The following BCAP29 variants were observed in gnomAD, a reference collection of about 807,000 sequenced individuals.
BCAP29 encodes B-cell receptor-associated protein 29.
A neutral mutation model predicts 31.8 loss-of-function variants in BCAP29; 34 were observed. The ratio of observed to expected loss-of-function variants is 1.07; its 90% CI spans 0.81 to 1.42. BCAP29 has a LOEUF of 1.42. BCAP29 is among the 40% of genes most tolerant of loss of function. The pLI is 0.00. For missense variants in BCAP29, 314 were observed against 269.2 expected (o/e 1.17, Z -1.16); for synonymous variants, 104 against 91.3 (o/e 1.14, Z -0.79).
At chr7:107,595,761 G>A in intron 4 of BCAP29, 106 bp from the exon 5 acceptor site, 1 of 1,221,856 alleles carries the variant, frequency 8.2e-7, no homozygotes, top group Non-Finnish European at 1.1e-6. Context: ...AACATTATCT[G>A]CCACCACCAC....
chr7:107,600,352 A>G (rs770145780), intron 5 of BCAP29, 45 bp from the exon 6 acceptor site: 24 of 1,102,206 alleles, frequency 2.2e-5, no homozygotes, highest in Middle Eastern at 2.0e-4. Context: ...ATGTCTGGCT[A>G]TTGCAATCTA....
chr7:107,623,032 TTC>T (rs1815102084), downstream of BCAP29: 1 of 152,176 alleles, frequency 6.6e-6, no homozygotes, highest in Non-Finnish European at 1.5e-5. Flanking sequence ...TGGGGCCAGT[TTC>T]TTTTTTTTCT....
In BCAP29 at chr7:107,618,257, A is replaced by G; in HGVS notation, c.691-71A>G. ...TACATAGAAGAGAGAATGTTTTTTA[A>G]AAGTCCTTGTCATGTCTATGAATCT... On this transcript the variant is annotated intron_variant, in intron 7 of 7. Transcript: ENST00000005259. The G allele has an allele frequency of 3.5e-6, 4 of 1,144,380 alleles. No homozygotes were observed. The South Asian group carries it at 7.5e-5, about 22-fold the overall frequency. 70.9% of individuals were successfully genotyped at this position (1,144,380 alleles called of 1,614,324 possible).
intron 7 of BCAP29, chr7:107,615,458 T>C (rs2129292355): frequency 2.7e-6 from 1 of 370,694 alleles, no homozygotes; most frequent in Non-Finnish European, 5.4e-6. Context: ...TAGCCGGGCA[T>C]GGTGGCAAGT....
chr7:107,580,739 A>G lies in BCAP29; in HGVS notation c.-14-20A>G. 1 of 1,526,540 alleles carries G rather than the reference A, an allele frequency of 6.6e-7. No homozygotes were observed. Among genetic ancestry groups the G allele is most frequent in the South Asian group, 1.2e-5 (1 of 85,520 alleles). The allele number at this position is 1,526,540 out of a possible 1,614,324, so 94.6% of individuals were successfully genotyped here. Reference sequence around the variant, plus strand: ...TTTGTTTGAAAGGAAGCAAGAGAAAATAAGTGTTTTTCCATTTAGGTGTGA... The same window carrying G: ...TTTGTTTGAAAGGAAGCAAGAGAAAGTAAGTGTTTTTCCATTTAGGTGTGA... On this transcript the variant is annotated intron_variant, in intron 1 of 7. Transcript: ENST00000005259.
At chr7:107,600,977 A>G (rs1199633953) in intron 6 of BCAP29, among the ~76,000 whole-genome samples, 1 of 152,220 alleles carries the variant, frequency 6.6e-6, no homozygotes, top group Non-Finnish European at 1.5e-5. Context: ...GTAGGCAACA[A>G]TATCTGGGAT....
chr7:107,622,328 C>G (rs1050168331), downstream of BCAP29: 1 of 159,224 alleles, frequency 6.3e-6, no homozygotes, highest in African/African-American at 2.4e-5. Flanking sequence ...CAGTTAAGAT[C>G]AAACCACCAA....
intron 3 of BCAP29, among the ~76,000 whole-genome samples, chr7:107,585,361 C>T (rs1474975127): frequency 1.3e-5 from 2 of 152,130 alleles, no homozygotes; most frequent in Non-Finnish European, 2.9e-5. Flanking sequence ...TGATTTGTGC[C>T]TCTTTTCAAG....
intron 7 of BCAP29, chr7:107,615,453 G>T: frequency 2.7e-6 from 1 of 372,804 alleles, no homozygotes; most frequent in Non-Finnish European, 5.4e-6. Flanking sequence ...AAAATTAGCC[G>T]GGCATGGTGG....
intron 5 of BCAP29, among the ~76,000 whole-genome samples, chr7:107,596,397 C>T (rs980492850): frequency 5.3e-5 from 8 of 152,020 alleles, no homozygotes; most frequent in African/African-American, 1.7e-4. Context: ...CCTAGATTTT[C>T]GTTTTCTTTT....
chr7:107,620,077 A>T lies in BCAP29; in HGVS notation c.*1714A>T, dbSNP rs1288586606. ...TGGTTGCACTTTGAAGAGCTTGAAGATTTGAAAGATTCCCAAAAAAGCATT... is the reference window on the plus strand; with the variant it reads ...TGGTTGCACTTTGAAGAGCTTGAAGTTTTGAAAGATTCCCAAAAAAGCATT... On this transcript the variant is annotated 3_prime_UTR_variant, in exon 8 of 8. Coordinates refer to ENST00000005259, the MANE Select transcript of BCAP29 (RefSeq NM_018844.4). The T allele has an allele frequency of 1.3e-5, 2 of 152,222 alleles. No homozygotes were observed. The highest frequency in any genetic ancestry group is 4.8e-5 in the African/African-American group (2 of 41,454). The allele number at this position is 152,222 out of a possible 1,614,324, so 9.4% of individuals were successfully genotyped here. A position where few individuals can be genotyped will look rare whatever the true frequency, so the allele number is the denominator to read the frequency against.
At position 107,618,695 on chromosome 7, in the gene BCAP29, T is replaced by C; in HGVS notation, c.*332T>C. The C allele has an allele frequency of 9.9e-7, 1 of 1,014,690 alleles. No individual in the cohort carries two copies. Among genetic ancestry groups the C allele is most frequent in the East Asian group, 2.5e-5 (1 of 39,700 alleles). The allele number at this position is 1,014,690 out of a possible 1,614,324, so 62.9% of individuals were successfully genotyped here. ...CCAAAATTAGAAGTTTTAAGTTGCA[T>C]GAAACCATTAATAGCCTTGAAAGCT... On this transcript the variant is annotated 3_prime_UTR_variant, in exon 8 of 8. Transcript: ENST00000005259.
chr7:107,613,025 AT>A (rs2129288846), intron 6 of BCAP29, among the ~76,000 whole-genome samples: 1 of 152,324 alleles, frequency 6.6e-6, no homozygotes, highest in South Asian at 2.1e-4. Context: ...AAAGTATTGT[AT>A]TCATATTAAG....
intron 7 of BCAP29, chr7:107,615,253 A>G (rs1562800055): frequency 2.2e-6 from 1 of 456,726 alleles, no homozygotes; most frequent in Non-Finnish European, 4.4e-6. Flanking sequence ...CAGAAAAGCC[A>G]CAGTCAGCCT....
At position 107,618,654 on chromosome 7, in the gene BCAP29, C is replaced by T. The variant is rs759362804; in HGVS notation, c.*291C>T. 3 of 1,383,828 alleles carry T rather than the reference C, an allele frequency of 2.2e-6. No homozygotes were observed. Among genetic ancestry groups the T allele is most frequent in the East Asian group, 4.6e-5 (2 of 43,120 alleles). The allele number at this position is 1,383,828 out of a possible 1,614,324, so 85.7% of individuals were successfully genotyped here. On this transcript the variant is annotated 3_prime_UTR_variant, in exon 8 of 8. Coordinates refer to ENST00000005259, the MANE Select transcript of BCAP29 (RefSeq NM_018844.4). ...TGTTTACCAATAAAAGGAAAAAATT[C>T]ATTAACCGGTTGCTTCCAAAATTAG...
At chr7:107,590,845 G>GAAA (rs1161076666) in intron 3 of BCAP29, among the ~76,000 whole-genome samples, 1 of 149,982 alleles carries the variant, frequency 6.7e-6, no homozygotes, top group Non-Finnish European at 1.5e-5. Flanking sequence ...AAGAAAGAAA[G>GAAA]AAAGAAAGAA....
chr7:107,587,865 A>G (rs1025298416), intron 3 of BCAP29: 12 of 152,140 alleles, frequency 7.9e-5, no homozygotes, highest in Admixed American at 5.2e-4. Flanking sequence ...AAGAAACCCT[A>G]CTGCTTTCAG....
rs1291042107 is a variant in BCAP29 at position 107,595,885 on chromosome 7, T to A, written c.363T>A (p.Val121=). ...LFFWLVLRRL[V]TLITQLAKEL... ...TTCTTAGAGTTTTGAGACGTCTGGT[T>A]ACGCTTATTACTCAACTGGCAAAAG... The change falls in exon 5 of 8, where the codon GTT becomes GTA. Residue 121 remains valine (V), a synonymous_variant. Transcript: ENST00000005259. 1.2e-6 allele frequency: 2 copies of A among 1,601,600 alleles called. No individual in the cohort carries two copies. Among genetic ancestry groups the A allele is most frequent in the South Asian group, 1.1e-5 (1 of 87,970 alleles).
At chr7:107,606,666 C>T (rs1237102697) in intron 6 of BCAP29, among the ~76,000 whole-genome samples, 1 of 152,136 alleles carries the variant, frequency 6.6e-6, no homozygotes, top group Non-Finnish European at 1.5e-5. Context: ...GTAAACAGAA[C>T]CAATTCTCAT....
Sources: allele counts gnomAD v4.1 joint callset (sites outside exome capture counted in the v4.1 genomes callset), GRCh38; gene constraint gnomAD v4.1.1; transcripts MANE v1.5; gene names NCBI Gene and HGNC (gene_info 2026-07-23, HGNC 2026-07-21).